ACTN2: variants seen among roughly 807,000 people sequenced by gnomAD.
The protein encoded by ACTN2 is alpha-actinin-2.
Under a neutral mutation model 113.8 loss-of-function variants are expected in ACTN2, and 39 were observed. That is an observed-to-expected ratio of 0.34 (90% CI 0.27 to 0.45). The LOEUF is 0.45. Ranked by LOEUF, ACTN2 falls within the 20% of genes least tolerant of loss-of-function variation. ACTN2 has a pLI of 1.00. For synonymous variants in ACTN2, 429 were observed against 444.1 expected, an observed-to-expected ratio of 0.97 and a Z score of 0.43; for missense variants, 992 against 1,177.9, an observed-to-expected ratio of 0.84 and a Z score of 2.31.
chr1:236,762,709 A>T lies in ACTN2; in HGVS notation c.*90A>T, dbSNP rs1659747845. ...CCTGGAAACTTTGACAAGCTTTATT[A>T]AGTTGAGAGAGAGAGAGGGGAAAAA... On this transcript the variant is annotated 3_prime_UTR_variant, in exon 21 of 21. Coordinates refer to ENST00000366578, the MANE Select transcript of ACTN2 (RefSeq NM_001103.4). The T allele has an allele frequency of 6.7e-7, 1 of 1,488,762 alleles. No homozygotes were observed. The highest frequency in any genetic ancestry group is 9.1e-7 in the Non-Finnish European group (1 of 1,092,966). 92.2% of individuals were successfully genotyped at this position (1,488,762 alleles called of 1,614,324 possible). A position where few individuals can be genotyped will look rare whatever the true frequency, so the allele number is the denominator to read the frequency against.
chr1:236,727,705 C>T lies in ACTN2; in HGVS notation c.564C>T (p.Ala188=), dbSNP rs769536954. The change falls in exon 6 of 21, where the codon GCC becomes GCT. Residue 188 remains alanine (A), a synonymous_variant. Coordinates refer to ENST00000366578, the MANE Select transcript of ACTN2 (RefSeq NM_001103.4). ...GGAAAGATGGCCTTGGACTCTGTGCCCTCATCCACCGACACCGGCCTGACC... is the reference window on the plus strand; with the variant it reads ...GGAAAGATGGCCTTGGACTCTGTGCTCTCATCCACCGACACCGGCCTGACC... ...TSWKDGLGLC[A]LIHRHRPDLI... is the part of the protein sequence containing the mutation. 13 of 1,614,012 alleles carry T rather than the reference C, an allele frequency of 8.1e-6. No homozygotes were observed. The Admixed American group carries it at 2.0e-4, about 25-fold the overall frequency.
At position 236,754,159 on chromosome 1, in the gene ACTN2, A is replaced by G. The variant is rs1006663000; in HGVS notation, c.1974+78A>G. Reference sequence around the variant, plus strand: ...TAGCCACGCAGCAGTGACACCGCACATGCTGTGGTTTCCAGCCACCCACTC... The same window carrying G: ...TAGCCACGCAGCAGTGACACCGCACGTGCTGTGGTTTCCAGCCACCCACTC... On this transcript the variant is annotated intron_variant, in intron 16 of 20. Coordinates refer to ENST00000366578, the MANE Select transcript of ACTN2 (RefSeq NM_001103.4). The surrounding 1 kb of genome is among the most constrained non-coding windows in gnomAD (Gnocchi z 4.9). 2 of 1,575,270 alleles carry G rather than the reference A, an allele frequency of 1.3e-6. No individual in the cohort carries two copies. The highest frequency in any genetic ancestry group is 1.7e-6 in the Non-Finnish European group (2 of 1,156,590).
chr1:236,687,230 C>T (rs1370475452), intron 1 of ACTN2, among the ~76,000 whole-genome samples: 2 of 152,188 alleles, frequency 1.3e-5, no homozygotes, highest in African/African-American at 2.4e-5. Flanking sequence ...TTCCACCGGG[C>T]TGCCCCTAGA....
rs779870295 is a variant in ACTN2, at chr1:236,759,758, G to A, written c.2336G>A (p.Arg779Lys). Residue 779 changes from arginine (R) to lysine (K), a missense_variant, in exon 19 of 21, where the codon AGA becomes AAA. Coordinates refer to ENST00000366578, the MANE Select transcript of ACTN2 (RefSeq NM_001103.4). ...GGCCTGATGGATCATGAGGATTTCA[G>A]AGCCTGCCTGATTTCCATGGGTTAT... is the stretch of plus-strand genomic sequence containing the variant. ...KNGLMDHEDFRACLISMGYDL... is the reference protein window; with the variant it reads ...KNGLMDHEDFKACLISMGYDL... The A allele has an allele frequency of 6.2e-7, 1 of 1,614,156 alleles. No individual in the cohort carries two copies. Among genetic ancestry groups the A allele is most frequent in the Admixed American group, 1.7e-5 (1 of 60,024 alleles).
chr1:236,713,129 C>G (rs540661116), intron 1 of ACTN2, among the ~76,000 whole-genome samples: 1 of 151,586 alleles, frequency 6.6e-6, no homozygotes, highest in African/African-American at 2.4e-5. Flanking sequence ...ACATAAAATA[C>G]GGTTTATACA....
In ACTN2 at chr1:236,706,798, C is replaced by G. The variant is rs139135327; in HGVS notation, c.127-11060C>G. On this transcript the variant is annotated intron_variant, in intron 1 of 20. Transcript: ENST00000366578. ...ATAACTGAGATCATCACAGTTTAAA[C>G]TTGGAAGTATTGAAAACTTTAACAG... is the stretch of plus-strand genomic sequence containing the variant. Among the ~76,000 whole-genome samples, 945 of 152,278 alleles carry G rather than the reference C, an allele frequency of 6.2e-3. 7 individuals are homozygous for G. The highest frequency in any genetic ancestry group is 0.022 in the African/African-American group (908 of 41,554).
chr1:236,736,774 G>A lies in ACTN2; in HGVS notation c.784-348G>A, dbSNP rs559466198. ...CGTCATGAGATCAGTGGAGAGTTCA[G>A]GTGGACATTCAGGGACCCAAGATCT... On this transcript the variant is annotated intron_variant, in intron 8 of 20. Coordinates refer to ENST00000366578, the MANE Select transcript of ACTN2 (RefSeq NM_001103.4). 4.0e-6 allele frequency: 3 copies of A among 748,932 alleles called. No homozygotes were observed. In the African/African-American group the frequency reaches 5.3e-5, roughly 13 times the overall value. The allele number at this position is 748,932 out of a possible 1,614,324, so 46.4% of individuals were successfully genotyped here. A position where few individuals can be genotyped will look rare whatever the true frequency, so the allele number is the denominator to read the frequency against.
chr1:236,723,186 G>A (rs1341764125), intron 4 of ACTN2, among the ~76,000 whole-genome samples: 1 of 152,160 alleles, frequency 6.6e-6, no homozygotes, highest in East Asian at 1.9e-4. Context: ...ATTTCTTCCT[G>A]ATGTACTTCT....
At chr1:236,711,356 T>C (rs890400335) in intron 1 of ACTN2, among the ~76,000 whole-genome samples, 1 of 152,170 alleles carries the variant, frequency 6.6e-6, no homozygotes, top group Non-Finnish European at 1.5e-5. Context: ...GTCTTTTTAT[T>C]TTTTATTTTT....
intron 9 of ACTN2, among the ~76,000 whole-genome samples, chr1:236,737,881 C>T (rs993474048): frequency 6.6e-6 from 1 of 152,218 alleles, no homozygotes; most frequent in African/African-American, 2.4e-5. Context: ...TGCATCTGCA[C>T]TGTTTTCCCA....
At chr1:236,730,962 T>C (rs994530295) in intron 6 of ACTN2, among the ~76,000 whole-genome samples, 12 of 152,242 alleles carry the variant, frequency 7.9e-5, no homozygotes, top group Middle Eastern at 3.2e-3. Context: ...ATGGATTCAG[T>C]GTGTCCTTTC....
intron 1 of ACTN2, among the ~76,000 whole-genome samples, chr1:236,696,787 T>A (rs557299697): frequency 6.6e-6 from 1 of 151,680 alleles, no homozygotes; most frequent in Non-Finnish European, 1.5e-5. Flanking sequence ...TACCTCAGCC[T>A]CCTGAGTAGC....
Position 236,751,502 on chromosome 1 carries a change from C to A in ACTN2, c.1689C>A (p.Ala563=). ...TCACTGCGCATGAGCAGTTCAAGGC[C>A]ACGCTGCCCGAGGCGGACGGAGAGC... ...SLITAHEQFK[A]TLPEADGERQ... is the part of the protein sequence containing the mutation. The change falls in exon 15 of 21, where the codon GCC becomes GCA. Residue 563 remains alanine (A), a synonymous_variant. Coordinates refer to ENST00000366578, the MANE Select transcript of ACTN2 (RefSeq NM_001103.4). 1 of 1,614,124 alleles carries A rather than the reference C, an allele frequency of 6.2e-7. No individual in the cohort carries two copies. Among genetic ancestry groups the A allele is most frequent in the Non-Finnish European group, 8.5e-7 (1 of 1,180,022 alleles).
chr1:236,694,626 C>A (rs530824780), intron 1 of ACTN2, among the ~76,000 whole-genome samples: 12 of 152,256 alleles, frequency 7.9e-5, no homozygotes, highest in African/African-American at 2.9e-4. Context: ...CAATTAACAT[C>A]TTTTTTGGCA....
At chr1:236,695,671 C>T (rs1051886295) in intron 1 of ACTN2, among the ~76,000 whole-genome samples, 1 of 144,568 alleles carries the variant, frequency 6.9e-6, no homozygotes. Flanking sequence ...GTATAGAAAA[C>T]ATGGGGAAAT....
At position 236,722,301 on chromosome 1, in the gene ACTN2, G is replaced by A. The variant is rs184079633; in HGVS notation, c.448+2110G>A. ...TCAAAGAAACAATTCTTTGAGGAGT[G>A]AGTTTCCTTCAGCAAAATGATGGGC... On this transcript the variant is annotated intron_variant, in intron 4 of 20. Transcript: ENST00000366578. 2.4e-4 allele frequency among the ~76,000 whole-genome samples: 37 copies of A among 152,196 alleles called. No homozygotes were observed. The East Asian group carries it at 6.4e-3, about 26-fold the overall frequency.
chr1:236,731,281 C>T lies in ACTN2; in HGVS notation c.664C>T (p.His222Tyr). The stretch of plus-strand genomic sequence containing the variant: ...CCTGGCCATGGAAATCGCTGAGAAG[C>T]ACCTGGATATTCCTAAAATGTTGGA... ...INLAMEIAEK[H>Y]LDIPKMLDAE... is the part of the protein sequence containing the mutation. Residue 222 changes from histidine to tyrosine, a missense_variant, in exon 7 of 21, where the codon CAC (histidine) becomes TAC (tyrosine). His to Tyr is a moderately conservative substitution (Grantham distance 83, BLOSUM62 2). Transcript: ENST00000366578. The T allele has an allele frequency of 6.2e-7, 1 of 1,613,866 alleles. No individual in the cohort carries two copies. The highest frequency in any genetic ancestry group is 1.1e-5 in the South Asian group (1 of 91,076).
At chr1:236,716,798 T>TCAC (rs1211433151) in intron 1 of ACTN2, among the ~76,000 whole-genome samples, 2 of 149,904 alleles carry the variant, frequency 1.3e-5, no homozygotes, top group Non-Finnish European at 3.0e-5. Flanking sequence ...CTACACAATA[T>TCAC]CACCCACCCT....
intron 15 of ACTN2, among the ~76,000 whole-genome samples, chr1:236,753,133 G>A (rs1659452628): frequency 6.6e-6 from 1 of 152,176 alleles, no homozygotes; most frequent in African/African-American, 2.4e-5. Context: ...TCGAACTCAT[G>A]AACCCAGCAT....
Sources: gnomAD v4.1 joint callset for allele counts (sites outside exome capture counted in the v4.1 genomes callset) on GRCh38, gnomAD v4.1.1 for gene constraint, Gnocchi (gnomAD v3.1) non-coding constraint, MANE v1.5 for transcripts, NCBI Gene and HGNC (gene_info 2026-07-23, HGNC 2026-07-21) for gene names.